The following ARFGEF1 variants were observed in gnomAD, a reference collection of about 807,000 sequenced individuals.
ARFGEF1 encodes brefeldin A-inhibited guanine nucleotide-exchange protein 1.
ARFGEF1 carries 42 observed loss-of-function variants against 231.0 expected under a neutral mutation model. That is an observed-to-expected ratio of 0.18 (90% CI 0.14 to 0.24). The LOEUF (loss-of-function observed/expected upper bound fraction) is 0.24, where lower values mean the gene tolerates loss of function less well. Ranked by LOEUF, ARFGEF1 falls within the 10% of genes least tolerant of loss-of-function variation. The pLI, the probability that ARFGEF1 is intolerant of heterozygous loss-of-function variation, is 1.00. For synonymous variants in ARFGEF1, 710 were observed against 732.3 expected, an observed-to-expected ratio of 0.97 and a Z score of 0.49; for missense variants, 1,345 against 2,192.0, an observed-to-expected ratio of 0.61 and a Z score of 7.72.
intron 7 of ARFGEF1, among the ~76,000 whole-genome samples, chr8:67,285,274 T>A (rs1389792039): frequency 3.3e-5 from 5 of 151,802 alleles, no homozygotes; most frequent in African/African-American, 1.2e-4. Context: ...TCCCAGCAAT[T>A]AGGGAGGCTG....
At chr8:67,195,692 ACT>A (rs1837800080), downstream of ARFGEF1, 3 of 913,654 alleles carry the variant, frequency 3.3e-6, no homozygotes, top group Admixed American at 2.6e-5. Flanking sequence ...CCTGAAAGTT[ACT>A]TTTTTTCCAT....
At chr8:67,201,291 A>G (rs778184562) in intron 37 of ARFGEF1, among the ~76,000 whole-genome samples, 176 bp downstream of exon 37, 8 of 152,192 alleles carry the variant, frequency 5.3e-5, no homozygotes, top group Non-Finnish European at 7.3e-5. Context: ...ATTTGGCCAC[A>G]TGTCACTAAA....
chr8:67,308,935 T>A (rs1157676055), intron 1 of ARFGEF1, among the ~76,000 whole-genome samples: 1 of 152,166 alleles, frequency 6.6e-6, no homozygotes, highest in Non-Finnish European at 1.5e-5. Context: ...CCTTTAGTAA[T>A]TCTGAAATAT....
rs534493598 is a variant in ARFGEF1, at chr8:67,308,604, C to T, written c.125-6138G>A. Among the ~76,000 whole-genome samples the T allele has an allele frequency of 4.2e-4, 64 of 152,314 alleles. 1 individual carries two copies. Among genetic ancestry groups the T allele is most frequent in the Middle Eastern group, 3.4e-3 (1 of 294 alleles). ...CCTCTTAGGTGAAATATTCCACAGC[C>T]TCAGCCTCTTGCCCATTTGCCATTC... On this transcript the variant is annotated intron_variant, in intron 1 of 38. Transcript: ENST00000262215.
chr8:67,280,983 C>T (rs755386570), intron 7 of ARFGEF1, among the ~76,000 whole-genome samples: 2 of 149,320 alleles, frequency 1.3e-5, no homozygotes, highest in Non-Finnish European at 3.0e-5. Flanking sequence ...CAGTGATAAG[C>T]GAAGGAATGT....
chr8:67,242,845 C>A (rs1178999854), intron 19 of ARFGEF1, among the ~76,000 whole-genome samples: 1 of 152,160 alleles, frequency 6.6e-6, no homozygotes, highest in East Asian at 1.9e-4. Context: ...ATGAGAGAGC[C>A]CTTGGCCCTT....
intron 5 of ARFGEF1, chr8:67,190,531 A>C: frequency 2.8e-6 from 2 of 715,600 alleles, no homozygotes; most frequent in Non-Finnish European, 5.1e-6. Context: ...ATGTACATAC[A>C]TTGAGTGTGT....
intron 17 of ARFGEF1, among the ~76,000 whole-genome samples, chr8:67,256,302 A>G (rs940369391): frequency 6.6e-6 from 1 of 152,356 alleles, no homozygotes; most frequent in Admixed American, 6.5e-5. Flanking sequence ...ATAAATTTTT[A>G]AAGTCCTATA....
Position 67,233,048 on chromosome 8 carries a change from A to G in ARFGEF1, c.3290-103T>C, listed in dbSNP as rs560093468. 5.1e-5 allele frequency: 48 copies of G among 938,754 alleles called. 1 individual carries two copies. The highest frequency in any genetic ancestry group is 4.8e-4 in the South Asian group (30 of 62,462). The allele number at this position is 938,754 out of a possible 1,614,324, so 58.2% of individuals were successfully genotyped here. A position where few individuals can be genotyped will look rare whatever the true frequency, so the allele number is the denominator to read the frequency against. On this transcript the variant is annotated intron_variant, in intron 22 of 38. Transcript: ENST00000262215. ...ACTTCTGAAATCAACTGCTTTCCTA[A>G]TAACAGAATGCTTCAGGTGAACAAT...
intron 37 of ARFGEF1, 76 bp from the exon 38 acceptor site, chr8:67,200,589 T>C (rs1252176409): frequency 2.3e-6 from 2 of 870,886 alleles, no homozygotes; most frequent in East Asian, 2.4e-5. Flanking sequence ...AGAGCAATCA[T>C]GAACATAGTA....
At chr8:67,229,848 AAG>A (rs996486192) in intron 23 of ARFGEF1, among the ~76,000 whole-genome samples, 1 of 152,110 alleles carries the variant, frequency 6.6e-6, no homozygotes, top group Non-Finnish European at 1.5e-5. Context: ...CAAAGAAAAA[AAG>A]AGTTTTTAAC....
chr8:67,300,044 T>C (rs1587258608), intron 3 of ARFGEF1, among the ~76,000 whole-genome samples: 1 of 152,296 alleles, frequency 6.6e-6, no homozygotes, highest in Middle Eastern at 3.4e-3. Flanking sequence ...GTGAAAATTA[T>C]CTTCATGCTT....
At chr8:67,256,986 T>C (rs1037989084) in intron 17 of ARFGEF1, among the ~76,000 whole-genome samples, 2 of 152,098 alleles carry the variant, frequency 1.3e-5, no homozygotes, top group Non-Finnish European at 2.9e-5. Flanking sequence ...GAGATATAGA[T>C]AGAACAAGAC....
chr8:67,272,256 T>C (rs2128896778), intron 9 of ARFGEF1, among the ~76,000 whole-genome samples: 1 of 152,190 alleles, frequency 6.6e-6, no homozygotes, highest in Admixed American at 6.5e-5. Context: ...AACCTCTGCC[T>C]CCCGGGTTCA....
intron 7 of ARFGEF1, among the ~76,000 whole-genome samples, chr8:67,285,578 G>C (rs765975214): frequency 6.6e-6 from 1 of 152,014 alleles, no homozygotes; most frequent in Non-Finnish European, 1.5e-5. Context: ...AAGTATCAAA[G>C]TATCACCTCA....
Position 67,198,779 on chromosome 8 carries a change from G to T in ARFGEF1, c.*155C>A. The T allele has an allele frequency of 7.0e-7, 1 of 1,432,398 alleles. No individual in the cohort carries two copies. The highest frequency in any genetic ancestry group is 9.1e-7 in the Non-Finnish European group (1 of 1,097,690). The allele number at this position is 1,432,398 out of a possible 1,614,324, so 88.7% of individuals were successfully genotyped here. A position where few individuals can be genotyped will look rare whatever the true frequency, so the allele number is the denominator to read the frequency against. On this transcript the variant is annotated 3_prime_UTR_variant, in exon 39 of 39. Transcript: ENST00000262215. ...AATCCACCAGCACTAAAAGGGACTG[G>T]AGTGTTGCAAGTTTGAGTAAGACTT... is the stretch of plus-strand genomic sequence containing the variant.
chr8:67,343,090 C>A, intron 1 of ARFGEF1, 74 bp downstream of exon 1: 1 of 561,174 alleles, frequency 1.8e-6, no homozygotes. Flanking sequence ...CCCGGGCGAC[C>A]CCACCCCCCC....
At chr8:67,265,963 G>C in intron 14 of ARFGEF1, 43 bp downstream of exon 14, 1 of 1,588,424 alleles carries the variant, frequency 6.3e-7, no homozygotes, top group Non-Finnish European at 8.6e-7. Context: ...TATACTGGCA[G>C]AGAGATATTC....
At chr8:67,267,301 TA>T (rs1322538149) in intron 11 of ARFGEF1, 41 bp downstream of exon 11, 2 of 1,586,598 alleles carry the variant, frequency 1.3e-6, no homozygotes, top group Non-Finnish European at 1.7e-6. Context: ...TTTAAATATC[TA>T]ATAATAAGAA....
Sources: gnomAD v4.1 joint callset for allele counts (sites outside exome capture counted in the v4.1 genomes callset) on GRCh38, gnomAD v4.1.1 for gene constraint, MANE v1.5 for transcripts, NCBI Gene and HGNC (gene_info 2026-07-23, HGNC 2026-07-21) for gene names.